Variants in TLN2 observed in about 807,000 individuals in gnomAD.
TLN2 encodes the protein talin-2.
A neutral mutation model predicts 294.7 loss-of-function variants in TLN2; 118 were observed. The ratio of observed to expected loss-of-function variants is 0.40; its 90% CI spans 0.34 to 0.47. TLN2 has a LOEUF of 0.47. TLN2 is among the 20% of genes least tolerant of loss of function. TLN2 has a pLI of 0.84. For synonymous variants in TLN2, 1,431 were observed against 1,304.5 expected, an observed-to-expected ratio of 1.10 and a Z score of -2.09; for missense variants, 3,083 against 3,282.2, an observed-to-expected ratio of 0.94 and a Z score of 1.48.
At chr15:62,391,281 C>T (rs2140216890) in intron 1 of TLN2, among the ~76,000 whole-genome samples, 1 of 152,390 alleles carries the variant, frequency 6.6e-6, no homozygotes, top group Non-Finnish European at 1.5e-5. Flanking sequence ...GCCGATCCCA[C>T]GACTGCCCTT....
intron 1 of TLN2, among the ~76,000 whole-genome samples, chr15:62,529,535 T>A (rs531537671): frequency 2.7e-5 from 4 of 149,148 alleles, no homozygotes; most frequent in African/African-American, 1.0e-4. Flanking sequence ...TTGTTTTTTT[T>A]ATTTTTTTTC....
chr15:62,683,032 T>C (rs951918149), intron 11 of TLN2: 3 of 152,250 alleles, frequency 2.0e-5, no homozygotes, highest in Non-Finnish European at 4.4e-5. Flanking sequence ...GGTTTGCTCT[T>C]GAGCAGCCTT....
intron 1 of TLN2, among the ~76,000 whole-genome samples, chr15:62,553,937 CTTT>C (rs145432218): frequency 2.9e-5 from 4 of 138,350 alleles, no homozygotes; most frequent in Non-Finnish European, 1.6e-5. Flanking sequence ...TTAATCTAAT[CTTT>C]TTTTTTTTTT....
chr15:62,574,623 T>TAAAAAAAAAAAAAAAAAAAA (rs2044232533), intron 1 of TLN2, among the ~76,000 whole-genome samples: 1 of 96,040 alleles, frequency 1.0e-5, no homozygotes, highest in Non-Finnish European at 2.4e-5. Flanking sequence ...AAAAAAAGAC[T>TAAAAAAAAAAAAAAAAAAAA]ATTTCCTTTT....
At chr15:62,708,357 C>T in intron 20 of TLN2, 145 bp from the exon 21 acceptor site, 1 of 751,158 alleles carries the variant, frequency 1.3e-6, no homozygotes, top group Non-Finnish European at 2.2e-6. Flanking sequence ...ATGAAATGGT[C>T]AGGTAAGTAA....
At chr15:62,668,646 C>T (rs2055018634) in intron 9 of TLN2, among the ~76,000 whole-genome samples, 1 of 152,188 alleles carries the variant, frequency 6.6e-6, no homozygotes, top group Admixed American at 6.5e-5. Flanking sequence ...CCAGTGCCCA[C>T]GGATGAGACG....
chr15:62,691,465 T>C (rs947762632), intron 12 of TLN2, among the ~76,000 whole-genome samples: 15 of 152,184 alleles, frequency 9.9e-5, no homozygotes, highest in African/African-American at 3.4e-4. Context: ...TCTGTTTCTT[T>C]GTTTGAACTT....
chr15:62,492,030 A>G (rs1243912411), intron 1 of TLN2, among the ~76,000 whole-genome samples: 1 of 152,162 alleles, frequency 6.6e-6, no homozygotes, highest in African/African-American at 2.4e-5. Context: ...TATTTTAATA[A>G]TTACTAAATG....
intron 1 of TLN2, among the ~76,000 whole-genome samples, chr15:62,533,866 A>G (rs2041186121): frequency 6.6e-6 from 1 of 152,158 alleles, no homozygotes; most frequent in African/African-American, 2.4e-5. Flanking sequence ...CTGTGGTGTA[A>G]CATGCATCCC....
intron 1 of TLN2, among the ~76,000 whole-genome samples, chr15:62,464,819 C>T (rs1234494371): frequency 6.6e-6 from 1 of 152,166 alleles, no homozygotes; most frequent in Non-Finnish European, 1.5e-5. Context: ...ATTGTTCTGG[C>T]TCCTAGCACT....
chr15:62,569,463 G>A (rs890803849), intron 1 of TLN2, among the ~76,000 whole-genome samples: 3 of 152,180 alleles, frequency 2.0e-5, no homozygotes, highest in African/African-American at 4.8e-5. Context: ...AAAGTTCCCC[G>A]CGGGAGGCAG....
intron 2 of TLN2, among the ~76,000 whole-genome samples, chr15:62,593,849 G>A (rs1432545218): frequency 6.6e-6 from 1 of 152,176 alleles, no homozygotes; most frequent in African/African-American, 2.4e-5. Flanking sequence ...CAGCTGCAGT[G>A]CTGTCAACAC....
chr15:62,769,334 G>A (rs924796455), intron 41 of TLN2, among the ~76,000 whole-genome samples: 1 of 152,168 alleles, frequency 6.6e-6, no homozygotes, highest in African/African-American at 2.4e-5. Context: ...AGTGTGTGGA[G>A]CTGCTGCCTG....
At chr15:62,615,306 T>C (rs1179680056) in intron 2 of TLN2, among the ~76,000 whole-genome samples, 1 of 152,238 alleles carries the variant, frequency 6.6e-6, no homozygotes, top group Non-Finnish European at 1.5e-5. Flanking sequence ...CAACTCTTTC[T>C]TTTTGCACTC....
chr15:62,446,151 C>T (rs1232742206), intron 1 of TLN2, among the ~76,000 whole-genome samples: 3 of 152,008 alleles, frequency 2.0e-5, no homozygotes, highest in Admixed American at 6.6e-5. Flanking sequence ...AGACTACAGG[C>T]GCCCGCCACC....
At chr15:62,658,529 C>G (rs933809339) in intron 9 of TLN2, among the ~76,000 whole-genome samples, 23 of 152,294 alleles carry the variant, frequency 1.5e-4, no homozygotes, top group African/African-American at 4.6e-4. Flanking sequence ...AAAAGCAAAC[C>G]TCTGCCCTTG....
intron 1 of TLN2, among the ~76,000 whole-genome samples, chr15:62,530,078 C>T (rs985923298): frequency 6.6e-6 from 1 of 152,104 alleles, no homozygotes; most frequent in Non-Finnish European, 1.5e-5. Context: ...GTAGTCCCAG[C>T]TACTTGGGAG....
At chr15:62,748,264 T>G (rs1180956127) in intron 32 of TLN2, 87 bp from the exon 33 acceptor site, 11 of 1,011,694 alleles carry the variant, frequency 1.1e-5, no homozygotes, top group Non-Finnish European at 1.6e-5. Context: ...AGTGAATTAA[T>G]TGTATTTCTG....
chr15:62,465,486 T>A (rs922746645), intron 1 of TLN2, among the ~76,000 whole-genome samples: 3 of 152,332 alleles, frequency 2.0e-5, no homozygotes, highest in Middle Eastern at 3.4e-3. Flanking sequence ...ACATTTTACA[T>A]GTAAAACAGT....
Sources: gnomAD v4.1 joint callset for allele counts (sites outside exome capture counted in the v4.1 genomes callset) on GRCh38, gnomAD v4.1.1 for gene constraint, MANE v1.5 for transcripts, NCBI Gene and HGNC (gene_info 2026-07-23, HGNC 2026-07-21) for gene names.